YLPM1: variants seen among roughly 807,000 people sequenced by gnomAD.
YLPM1 encodes the protein YLP motif containing 1.
Under a neutral mutation model 230.0 loss-of-function variants are expected in YLPM1, and 99 were observed. The observed-to-expected ratio is 0.43, with a 90% CI of 0.37 to 0.51. The LOEUF (loss-of-function observed/expected upper bound fraction) is 0.51, where lower values mean the gene tolerates loss of function less well. YLPM1 is among the 20% of genes least tolerant of loss of function. The pLI is 0.00. For missense variants in YLPM1, 2,592 were observed against 2,707.7 expected, an observed-to-expected ratio of 0.96 and a Z score of 0.95; for synonymous variants, 984 against 942.5, an observed-to-expected ratio of 1.04 and a Z score of -0.81.
intron 4 of YLPM1, among the ~76,000 whole-genome samples, chr14:74,796,670 A>AGC (rs1003706286): frequency 6.6e-6 from 1 of 152,066 alleles, no homozygotes; most frequent in Non-Finnish European, 1.5e-5. Flanking sequence ...TTACTGGATG[A>AGC]GCAAGTGGGT....
In YLPM1 at chr14:74,799,079, G is replaced by A. The variant is rs762434022; in HGVS notation, c.3782G>A (p.Arg1261Gln). ...PPSRSHDGDR[R>Q]GPWWDDWERD... ...TCTCGGTCTCATGATGGAGATAGGC[G>A]AGGCCCTTGGTGGGATGATTGGGAG... The change falls in exon 5 of 21, where the codon CGA becomes CAA. Residue 1261 changes from arginine (R) to glutamine (Q), a missense_variant. By Grantham distance (43) the Arg-to-Gln change is conservative. Around this residue, in one of 4 missense-constraint regions of YLPM1, gnomAD observed 1,862 missense variants for 1,819.8 expected, o/e 1.02. Transcript: ENST00000325680. The A allele has an allele frequency of 1.2e-5, 20 of 1,613,856 alleles. No individual in the cohort carries two copies. The highest frequency in any genetic ancestry group is 1.7e-5 in the Admixed American group (1 of 60,000).
intron 3 of YLPM1, 98 bp from the exon 4 acceptor site, chr14:74,781,236 C>A: frequency 7.5e-7 from 1 of 1,328,950 alleles, no homozygotes; most frequent in Non-Finnish European, 1.0e-6. Context: ...GTTCTAATTT[C>A]CTAAAGCGTC....
intron 1 of YLPM1, among the ~76,000 whole-genome samples, chr14:74,770,194 A>AC (rs2090963494): frequency 6.6e-6 from 1 of 151,496 alleles, no homozygotes; most frequent in African/African-American, 2.4e-5. Flanking sequence ...AAAAAAAAAA[A>AC]ACCTAGCCAG....
Position 74,774,359 on chromosome 14 carries a change from A to C in YLPM1, c.874-4088A>C, listed in dbSNP as rs577741272. Among the ~76,000 whole-genome samples, 4 of 152,206 alleles carry C rather than the reference A, an allele frequency of 2.6e-5. No homozygotes were observed. The South Asian group carries it at 6.2e-4, about 24-fold the overall frequency. Reference sequence around the variant, plus strand: ...GCGAGTCTCCCGTCTCAGCCTCCCAAGTAGCTGGGATTACAGGCACCTGCG... The same window carrying C: ...GCGAGTCTCCCGTCTCAGCCTCCCACGTAGCTGGGATTACAGGCACCTGCG... On this transcript the variant is annotated intron_variant, in intron 1 of 20. Transcript: ENST00000325680.
At chr14:74,775,910 C>G (rs1033111771) in intron 1 of YLPM1, among the ~76,000 whole-genome samples, 2 of 152,162 alleles carry the variant, frequency 1.3e-5, no homozygotes, top group Non-Finnish European at 2.9e-5. Flanking sequence ...TCTAGCAGAT[C>G]CTCAGCTGCC....
chr14:74,763,559 C>CCGA lies in YLPM1; in HGVS notation c.71_72insGAC (p.Pro24_Val25insThr). Reference sequence around the variant, plus strand: ...GCCGCCACCGGTCCCACCGCCGCCGCCAGTGGCGCTTCCTGAGGCCTCGCC... The same window carrying CCGA: ...GCCGCCACCGGTCCCACCGCCGCCGCCGACAGTGGCGCTTCCTGAGGCCTCGCC... On this transcript the variant is annotated inframe_insertion, in exon 1 of 21. Coordinates refer to ENST00000325680, the MANE Select transcript of YLPM1 (RefSeq NM_019589.3). 1 of 1,559,122 alleles carries CCGA rather than the reference C, an allele frequency of 6.4e-7. No homozygotes were observed. The highest frequency in any genetic ancestry group is 1.2e-5 in the South Asian group (1 of 86,310).
chr14:74,774,606 C>T (rs1172757612), intron 1 of YLPM1, among the ~76,000 whole-genome samples: 1 of 152,194 alleles, frequency 6.6e-6, no homozygotes, highest in African/African-American at 2.4e-5. Flanking sequence ...TGGGGTTTCA[C>T]CGTGTTAGCC....
intron 6 of YLPM1, among the ~76,000 whole-genome samples, chr14:74,807,658 G>A (rs1203937292): frequency 2.6e-5 from 4 of 152,184 alleles, no homozygotes; most frequent in Admixed American, 2.6e-4. Context: ...AAAACAAATG[G>A]AAGGAGGGCA....
chr14:74,800,339 A>G (rs1467646750), intron 5 of YLPM1, among the ~76,000 whole-genome samples: 1 of 152,222 alleles, frequency 6.6e-6, no homozygotes, highest in African/African-American at 2.4e-5. Context: ...AGGTATCTAC[A>G]TAATTTTCCT....
Position 74,824,275 on chromosome 14 carries a change from A to G in YLPM1, c.6131A>G (p.Lys2044Arg). 6.2e-7 allele frequency: 1 copy of G among 1,612,358 alleles called. No individual in the cohort carries two copies. Among genetic ancestry groups the G allele is most frequent in the Non-Finnish European group, 8.5e-7 (1 of 1,178,860 alleles). ...ESELGYIPKS[K>R]WEMDTSEAKL... ...ATTTAGGGTTACATTCCGAAAAGCA[A>G]ATGGGAGATGGACACATCTGAGGCA... Residue 2044 changes from lysine (K) to arginine (R), a missense_variant, in exon 18 of 21, where the codon AAA becomes AGA. Coordinates refer to ENST00000325680, the MANE Select transcript of YLPM1 (RefSeq NM_019589.3).
At chr14:74,792,364 G>A (rs1281096447) in intron 4 of YLPM1, among the ~76,000 whole-genome samples, 2 of 152,094 alleles carry the variant, frequency 1.3e-5, no homozygotes, top group African/African-American at 4.8e-5. Flanking sequence ...TACCTATCAA[G>A]CCCAGTAAAA....
At chr14:74,804,516 C>A (rs545402827) in intron 6 of YLPM1, among the ~76,000 whole-genome samples, 1 of 152,202 alleles carries the variant, frequency 6.6e-6, no homozygotes, top group Non-Finnish European at 1.5e-5. Context: ...CATTCCTTTG[C>A]GTATGCATGT....
chr14:74,829,208 C>T lies in YLPM1; in HGVS notation c.6164-5C>T, dbSNP rs1280896058. 6.2e-7 allele frequency: 1 copy of T among 1,612,830 alleles called. No homozygotes were observed. Among genetic ancestry groups the T allele is most frequent in the Non-Finnish European group, 8.5e-7 (1 of 1,179,136 alleles). Reference sequence around the variant, plus strand: ...TAATGCTACGGCTCTGTGTTTGTCCCTCAGACAAGTTGGATGGCTTGAGGA... The same window carrying T: ...TAATGCTACGGCTCTGTGTTTGTCCTTCAGACAAGTTGGATGGCTTGAGGA... On this transcript the variant is annotated splice_polypyrimidine_tract_variant and splice_region_variant and intron_variant, in intron 18 of 20. Coordinates refer to ENST00000325680, the MANE Select transcript of YLPM1 (RefSeq NM_019589.3).
Position 74,763,985 on chromosome 14 carries a change from C to G in YLPM1, c.496C>G (p.Pro166Ala), listed in dbSNP as rs758686163. ...TATGCCCCCATCTCAGTCTTACATG[C>G]CCCCACCTCAGCCGCCACCCTCTTA... ...SYMPPSQSYM[P>A]PPQPPPSYYP... is the part of the protein sequence containing the mutation. Residue 166 changes from proline (P) to alanine (A), a missense_variant, in exon 1 of 21, where the codon CCC becomes GCC. Physicochemically the swap from Pro to Ala is conservative, Grantham distance 27 (BLOSUM62 -1). Transcript: ENST00000325680. 9.1e-6 allele frequency: 14 copies of G among 1,541,592 alleles called. No homozygotes were observed. Among genetic ancestry groups the G allele is most frequent in the Non-Finnish European group, 1.2e-5 (14 of 1,140,246 alleles).
At chr14:74,803,863 TAAAA>T (rs758340728) in intron 6 of YLPM1, among the ~76,000 whole-genome samples, 41 of 151,970 alleles carry the variant, frequency 2.7e-4, no homozygotes, top group Non-Finnish European at 5.4e-4. Context: ...TACCAAAAGA[TAAAA>T]AAATTCTCGG....
chr14:74,819,252 A>G (rs1335944291), intron 16 of YLPM1, among the ~76,000 whole-genome samples: 1 of 147,980 alleles, frequency 6.8e-6, no homozygotes, highest in Non-Finnish European at 1.5e-5. Context: ...GACCTCTTCC[A>G]TACTCAATAT....
chr14:74,814,358 C>G (rs1022519281), intron 11 of YLPM1, among the ~76,000 whole-genome samples: 3 of 152,198 alleles, frequency 2.0e-5, no homozygotes, highest in African/African-American at 7.2e-5. Flanking sequence ...GAGACTCCGT[C>G]TTTAAAAAAA....
At chr14:74,834,502 AC>A (rs749060753) in intron 19 of YLPM1, among the ~76,000 whole-genome samples, 21 of 152,180 alleles carry the variant, frequency 1.4e-4, no homozygotes, top group Non-Finnish European at 2.8e-4. Context: ...TAATTATACT[AC>A]GGTGTGGAAG....
At chr14:74,780,058 C>T (rs558519731) in intron 2 of YLPM1, among the ~76,000 whole-genome samples, 217 of 152,250 alleles carry the variant, frequency 1.4e-3, no homozygotes, top group South Asian at 3.5e-3. Flanking sequence ...CCCGCCTTGG[C>T]CTCCCAAAGT....
Sources: gnomAD v4.1 joint callset for allele counts (sites outside exome capture counted in the v4.1 genomes callset) on GRCh38, gnomAD v4.1.1 for gene constraint, gnomAD v4.1.1 regional missense constraint, MANE v1.5 for transcripts, NCBI Gene and HGNC (gene_info 2026-07-23, HGNC 2026-07-21) for gene names.